The following PCAT7 variants were observed in gnomAD, a reference collection of about 807,000 sequenced individuals.
PCAT7 encodes the protein prostate cancer associated transcript 7.
chr9:94,571,438 G>C (rs779672395), intron 2 of PCAT7: 2 of 1,585,752 alleles, frequency 1.3e-6, no homozygotes, highest in Non-Finnish European at 1.7e-6. Flanking sequence ...CCCAGGCACA[G>C]ATGATGCCAT....
At chr9:94,558,892 G>T in intron 1 of PCAT7, 1 of 1,573,016 alleles carries the variant, frequency 6.4e-7, no homozygotes, top group South Asian at 1.1e-5. Flanking sequence ...AGGGTCCTTA[G>T]ACAAGGTGCA....
Position 94,559,164 on chromosome 9 carries a change from C to G in PCAT7, n.441+12C>G, listed in dbSNP as rs367695419. The G allele has an allele frequency of 1.2e-4, 192 of 1,588,126 alleles. No homozygotes were observed. In the African/African-American group the frequency reaches 2.4e-3, roughly 20 times the overall value. On this transcript the variant is annotated intron_variant and non_coding_transcript_variant, in intron 2 of 8. Coordinates refer to ENST00000647389, the Ensembl canonical transcript of PCAT7. ...AGGAACAGAGGCAGGTGAGTAAACT[C>G]TGCAAGTGGCCAAATGTCCCGAGCC... is the stretch of plus-strand genomic sequence containing the variant.
At position 94,565,758 on chromosome 9, in the gene PCAT7, T is replaced by C. The variant is rs201965575; in HGVS notation, n.441+6606T>C. 6.5e-5 allele frequency among the ~76,000 whole-genome samples: 5 copies of C among 77,310 alleles called. No homozygotes were observed. In the East Asian group the frequency reaches 2.2e-3, roughly 34 times the overall value. 50.7% of individuals were successfully genotyped at this position (77,310 alleles called of 152,430 possible). A position where few individuals can be genotyped will look rare whatever the true frequency, so the allele number is the denominator to read the frequency against. On this transcript the variant is annotated intron_variant and non_coding_transcript_variant, in intron 2 of 8. Transcript: ENST00000647389. ...AGATGATAGATAGATAGATAGAAAA[T>C]AGATACATAGATGATAGATAGATAG...
chr9:94,562,309 CAAA>C (rs397893359), intron 2 of PCAT7, among the ~76,000 whole-genome samples: 15 of 72,118 alleles, frequency 2.1e-4, no homozygotes, highest in Admixed American at 5.3e-4. Flanking sequence ...GACTCCATCT[CAAA>C]AAAAAAAAAA....
chr9:94,560,730 A>G (rs1386617110), intron 2 of PCAT7, among the ~76,000 whole-genome samples: 2 of 147,780 alleles, frequency 1.4e-5, no homozygotes, highest in African/African-American at 4.9e-5. Flanking sequence ...TATATAATAT[A>G]TATTTACATA....
At chr9:94,569,299 C>G (rs1224629397) in intron 2 of PCAT7, 3 of 152,296 alleles carry the variant, frequency 2.0e-5, no homozygotes, top group African/African-American at 7.2e-5. Flanking sequence ...CACTGCCGTG[C>G]TTCCTGCTTC....
At chr9:94,556,107 G>A (rs1234122672) in intron 1 of PCAT7, among the ~76,000 whole-genome samples, 1 of 151,062 alleles carries the variant, frequency 6.6e-6, no homozygotes, top group Non-Finnish European at 1.5e-5. Flanking sequence ...TGGCAAGGAG[G>A]AGCCGGGGGA....
In PCAT7 at chr9:94,563,514, G is replaced by T. The variant is rs905139462; in HGVS notation, n.441+4362G>T. 1.9e-6 allele frequency: 3 copies of T among 1,582,566 alleles called. No homozygotes were observed. In the African/African-American group the frequency reaches 4.0e-5, roughly 21 times the overall value. On this transcript the variant is annotated intron_variant and non_coding_transcript_variant, in intron 2 of 8. Coordinates refer to ENST00000647389, the Ensembl canonical transcript of PCAT7. ...ATCCAGTGGCTTTCAGGATTAGCCA[G>T]CACCTGCTCGTGGTCACAAGTCCAG...
intron 2 of PCAT7, chr9:94,567,379 T>C (rs1274179248): frequency 6.2e-7 from 1 of 1,614,134 alleles, no homozygotes; most frequent in Non-Finnish European, 8.5e-7. Flanking sequence ...CTTGACATCT[T>C]TTTCCACCAG....
chr9:94,566,995 T>G (rs574705192), intron 2 of PCAT7, among the ~76,000 whole-genome samples: 18 of 152,340 alleles, frequency 1.2e-4, no homozygotes, highest in African/African-American at 4.3e-4. Flanking sequence ...TGGCGTGAGC[T>G]CTGAATTTTG....
At chr9:94,556,733 T>C (rs568933540) in intron 1 of PCAT7, among the ~76,000 whole-genome samples, 5 of 152,354 alleles carry the variant, frequency 3.3e-5, no homozygotes, top group Non-Finnish European at 7.3e-5. Context: ...CTTGTGCTGT[T>C]GATGTCTATT....
chr9:94,556,138 T>G (rs1827008644), intron 1 of PCAT7, among the ~76,000 whole-genome samples: 1 of 147,952 alleles, frequency 6.8e-6, no homozygotes, highest in African/African-American at 2.5e-5. Context: ...GGAAAACAGT[T>G]TTTGGGTAGA....
At chr9:94,567,154 C>G (rs1202232598) in intron 2 of PCAT7, 1 of 1,007,384 alleles carries the variant, frequency 9.9e-7, no homozygotes, top group Non-Finnish European at 1.5e-6. Flanking sequence ...TCATACTGAC[C>G]ACAGCCATAA....
intron 3 of PCAT7, among the ~76,000 whole-genome samples, chr9:94,573,558 T>C (rs186823119): frequency 1.3e-5 from 2 of 152,332 alleles, no homozygotes; most frequent in East Asian, 3.9e-4. Flanking sequence ...TTTGTTCAAA[T>C]GTTTTTTCTC....
At chr9:94,561,350 G>GTTTTT (rs1463916724) in intron 2 of PCAT7, among the ~76,000 whole-genome samples, 21 of 59,768 alleles carry the variant, frequency 3.5e-4, no homozygotes, top group Admixed American at 7.1e-4. Flanking sequence ...CATGTGACCT[G>GTTTTT]TATTTTTTTT....
At chr9:94,563,536 C>G in intron 2 of PCAT7, 1 of 1,542,556 alleles carries the variant, frequency 6.5e-7, no homozygotes, top group Non-Finnish European at 8.8e-7. Context: ...GGTCACAAGT[C>G]CAGTTGGTGT....
chr9:94,564,043 C>G (rs1354002789), intron 2 of PCAT7, among the ~76,000 whole-genome samples: 2 of 152,170 alleles, frequency 1.3e-5, no homozygotes, highest in Non-Finnish European at 2.9e-5. Flanking sequence ...ATAATAGTGG[C>G]AGACTTCAAC....
At chr9:94,560,340 A>G (rs1827078149) in intron 2 of PCAT7, among the ~76,000 whole-genome samples, 1 of 152,212 alleles carries the variant, frequency 6.6e-6, no homozygotes. Context: ...TACGCAGTGA[A>G]TTGAAATGAA....
intron 2 of PCAT7, chr9:94,567,280 T>A (rs1564181326): frequency 1.2e-6 from 2 of 1,614,158 alleles, no homozygotes; most frequent in East Asian, 4.5e-5. Flanking sequence ...CTCAGGGAAT[T>A]TCTTTTTCTG....
Sources: allele counts gnomAD v4.1 joint callset (sites outside exome capture counted in the v4.1 genomes callset), GRCh38; gene constraint gnomAD v4.1.1; transcripts MANE v1.5; gene names NCBI Gene and HGNC (gene_info 2026-07-23, HGNC 2026-07-21).